The following YAP1 variants were observed in gnomAD, a reference collection of about 807,000 sequenced individuals.
YAP1 encodes transcriptional coactivator YAP1.
Under a neutral mutation model 56.9 loss-of-function variants are expected in YAP1, and 5 were observed. The observed-to-expected ratio is 0.09, with a 90% CI of 0.05 to 0.18. The LOEUF is 0.18. Among genes scored for constraint, YAP1 ranks in the 10% least tolerant of loss-of-function variants. The pLI, the probability that YAP1 is intolerant of heterozygous loss-of-function variation, is 1.00. For synonymous variants in YAP1, 265 were observed against 248.1 expected, an observed-to-expected ratio of 1.07 and a Z score of -0.64; for missense variants, 539 against 651.8, an observed-to-expected ratio of 0.83 and a Z score of 1.88.
In YAP1 at chr11:102,228,634, C is replaced by CAAAAAAAAA. The variant is rs71059544; in HGVS notation, c.1277-1049_1277-1041dup. ...TGGGTGACAGAGCAAGACTCCGTCTCAAAAAAAAAAAAAAAAAAAAAAAAA... is the reference window on the plus strand; with the variant it reads ...TGGGTGACAGAGCAAGACTCCGTCTCAAAAAAAAAAAAAAAAAAAAAAAAAAAAAAAAAA... On this transcript the variant is annotated intron_variant, in intron 8 of 8. Coordinates refer to ENST00000282441, the MANE Select transcript of YAP1 (RefSeq NM_001130145.3). Among the ~76,000 whole-genome samples the CAAAAAAAAA allele has an allele frequency of 2.0e-3, 62 of 31,636 alleles. 1 individual carries two copies. Among genetic ancestry groups the CAAAAAAAAA allele is most frequent in the Non-Finnish European group, 3.0e-3 (40 of 13,122 alleles). The allele number at this position is 31,636 out of a possible 152,430, so 20.8% of individuals were successfully genotyped here.
intron 6 of YAP1, among the ~76,000 whole-genome samples, chr11:102,216,582 T>C (rs1949679226): frequency 6.6e-6 from 1 of 152,156 alleles, no homozygotes; most frequent in Admixed American, 6.5e-5. Flanking sequence ...TTGTAGACAG[T>C]CCAATTATGT....
chr11:102,110,978 G>GCGC lies in YAP1; in HGVS notation c.134_136dup (p.Pro45dup). The GCGC allele has an allele frequency of 6.5e-7, 1 of 1,532,446 alleles. No individual in the cohort carries two copies. The highest frequency in any genetic ancestry group is 8.8e-7 in the Non-Finnish European group (1 of 1,141,776). 94.9% of individuals were successfully genotyped at this position (1,532,446 alleles called of 1,614,324 possible). A position where few individuals can be genotyped will look rare whatever the true frequency, so the allele number is the denominator to read the frequency against. On this transcript the variant is annotated inframe_insertion, in exon 1 of 9. Transcript: ENST00000282441. Reference sequence around the variant, plus strand: ...ACCGGCACCCGCGGCGACCCAGGCGGCGCCGCAGGCACCCCCCGCCGGGCA... The same window carrying GCGC: ...ACCGGCACCCGCGGCGACCCAGGCGGCGCCGCCGCAGGCACCCCCCGCCGGGCA...
chr11:102,129,612 T>A (rs566902108), intron 2 of YAP1, among the ~76,000 whole-genome samples: 2 of 62,412 alleles, frequency 3.2e-5, no homozygotes, highest in African/African-American at 1.1e-4. Context: ...AGCGAGACTC[T>A]GTCTCCAAAA....
At position 102,110,694 on chromosome 11, in the gene YAP1, G is replaced by A. The variant is rs1346176040; in HGVS notation, c.-155G>A. 5.3e-6 allele frequency: 3 copies of A among 567,868 alleles called. No homozygotes were observed. Among genetic ancestry groups the A allele is most frequent in the Admixed American group, 1.0e-4 (2 of 19,742 alleles). The allele number at this position is 567,868 out of a possible 1,614,324, so 35.2% of individuals were successfully genotyped here. On this transcript the variant is annotated 5_prime_UTR_variant, in exon 1 of 9. Coordinates refer to ENST00000282441, the MANE Select transcript of YAP1 (RefSeq NM_001130145.3). ...GGAGGCGCCGGGGCGGGGGATGCGG[G>A]GCCGCGGCGCAGCCCCCCGGCCCTG...
rs148864294 is a variant in YAP1 at position 102,231,803 on chromosome 11, A to G, written c.*1863A>G. ...ATCTCTTCTCCTGGCAAAAGCTGCT[A>G]TGAAAAGCCTCAGCTTGGGAAGATA... is the stretch of plus-strand genomic sequence containing the variant. On this transcript the variant is annotated 3_prime_UTR_variant, in exon 9 of 9. Coordinates refer to ENST00000282441, the MANE Select transcript of YAP1 (RefSeq NM_001130145.3). The G allele has an allele frequency of 1.9e-3, 297 of 152,758 alleles. No homozygotes were observed. Among genetic ancestry groups the G allele is most frequent in the Non-Finnish European group, 3.2e-3 (217 of 68,022 alleles). 9.5% of individuals were successfully genotyped at this position (152,758 alleles called of 1,614,324 possible). A position where few individuals can be genotyped will look rare whatever the true frequency, so the allele number is the denominator to read the frequency against.
In YAP1 at chr11:102,159,832, T is replaced by G. The variant is rs144959752; in HGVS notation, c.573-2624T>G. 7.3e-3 allele frequency among the ~76,000 whole-genome samples: 1,106 copies of G among 152,084 alleles called. 13 individuals are homozygous for G. Among genetic ancestry groups the G allele is most frequent in the African/African-American group, 0.025 (1,054 of 41,478 alleles). On this transcript the variant is annotated intron_variant, in intron 2 of 8. Coordinates refer to ENST00000282441, the MANE Select transcript of YAP1 (RefSeq NM_001130145.3). ...TTGACTTTTCTTTTCCACAGAGGAG[T>G]CTTCCAAAAGGAGGAGGCTTCTGGG...
intron 6 of YAP1, among the ~76,000 whole-genome samples, chr11:102,210,598 A>G (rs1478011027): frequency 6.6e-6 from 1 of 152,234 alleles, no homozygotes; most frequent in Non-Finnish European, 1.5e-5. Flanking sequence ...AGCCATCTTC[A>G]CCAAAGTTGA....
chr11:102,145,004 T>A (rs1007224313), intron 2 of YAP1, among the ~76,000 whole-genome samples: 1 of 152,172 alleles, frequency 6.6e-6, no homozygotes, highest in African/African-American at 2.4e-5. Context: ...GGGATTAGTA[T>A]GTCAAATTTG....
chr11:102,198,983 T>G (rs1046371380), intron 4 of YAP1, among the ~76,000 whole-genome samples: 1 of 152,132 alleles, frequency 6.6e-6, no homozygotes, highest in Non-Finnish European at 1.5e-5. Flanking sequence ...AATGGTATGA[T>G]AAAATAGGAG....
intron 2 of YAP1, among the ~76,000 whole-genome samples, chr11:102,124,580 G>T (rs1179199923): frequency 1.3e-5 from 2 of 151,896 alleles, no homozygotes; most frequent in Non-Finnish European, 2.9e-5. Context: ...TGTTTTATCT[G>T]TTATTTTTTT....
chr11:102,230,141 C>A lies in YAP1; in HGVS notation c.*201C>A. 2.0e-6 allele frequency: 1 copy of A among 491,760 alleles called. No homozygotes were observed. Among genetic ancestry groups the A allele is most frequent in the Non-Finnish European group, 3.6e-6 (1 of 279,996 alleles). 30.5% of individuals were successfully genotyped at this position (491,760 alleles called of 1,614,324 possible). A position where few individuals can be genotyped will look rare whatever the true frequency, so the allele number is the denominator to read the frequency against. Reference sequence around the variant, plus strand: ...TATTGCTGACCTCTTTCACAGTTGGCTCTAAAGAATCAAAAGAAAAAAACT... The same window carrying A: ...TATTGCTGACCTCTTTCACAGTTGGATCTAAAGAATCAAAAGAAAAAAACT... On this transcript the variant is annotated 3_prime_UTR_variant, in exon 9 of 9. Coordinates refer to ENST00000282441, the MANE Select transcript of YAP1 (RefSeq NM_001130145.3).
At chr11:102,191,663 T>C (rs1420070329) in intron 4 of YAP1, among the ~76,000 whole-genome samples, 7 of 152,268 alleles carry the variant, frequency 4.6e-5, no homozygotes, top group Middle Eastern at 3.4e-3. Context: ...TTTTTCTTTT[T>C]TTCTTTTCTT....
At chr11:102,152,707 A>C (rs1002064377) in intron 2 of YAP1, among the ~76,000 whole-genome samples, 4 of 152,236 alleles carry the variant, frequency 2.6e-5, no homozygotes, top group African/African-American at 4.8e-5. Flanking sequence ...TAAGTGTTTC[A>C]AAAGATTCAG....
In YAP1 at chr11:102,231,649, T is replaced by A. The variant is rs1950437037; in HGVS notation, c.*1709T>A. The A allele has an allele frequency of 1.3e-5, 2 of 152,640 alleles. No homozygotes were observed. The highest frequency in any genetic ancestry group is 4.1e-4 in the South Asian group (2 of 4,834). 9.5% of individuals were successfully genotyped at this position (152,640 alleles called of 1,614,324 possible). A position where few individuals can be genotyped will look rare whatever the true frequency, so the allele number is the denominator to read the frequency against. On this transcript the variant is annotated 3_prime_UTR_variant, in exon 9 of 9. Coordinates refer to ENST00000282441, the MANE Select transcript of YAP1 (RefSeq NM_001130145.3). ...AACAAAACGAGCATGAATTAACTCT[T>A]CAATATAAGCTATGAAGTAATAGTT... is the stretch of plus-strand genomic sequence containing the variant.
intron 3 of YAP1, among the ~76,000 whole-genome samples, chr11:102,165,127 G>C (rs1015352723): frequency 1.3e-5 from 2 of 152,082 alleles, no homozygotes; most frequent in African/African-American, 2.4e-5. Context: ...GGGAGACCAA[G>C]GTGGGAGGAT....
chr11:102,146,775 G>A (rs746665077), intron 2 of YAP1, among the ~76,000 whole-genome samples: 8 of 152,176 alleles, frequency 5.3e-5, no homozygotes, highest in Non-Finnish European at 1.2e-4. Flanking sequence ...GGAGAATTGA[G>A]ATTCTGTGCT....
intron 2 of YAP1, among the ~76,000 whole-genome samples, chr11:102,124,295 C>T (rs541504943): frequency 3.9e-5 from 6 of 152,124 alleles, no homozygotes; most frequent in African/African-American, 1.4e-4. Flanking sequence ...TGAGTGTTTG[C>T]TTTCCTTGGG....
chr11:102,154,262 G>T (rs1034411161), intron 2 of YAP1, among the ~76,000 whole-genome samples: 2 of 152,072 alleles, frequency 1.3e-5, no homozygotes, highest in African/African-American at 2.4e-5. Context: ...GTGAACTAGG[G>T]AATTTAAAAT....
In YAP1 at chr11:102,229,771, C is replaced by T. The variant is rs1950372564; in HGVS notation, c.1346C>T (p.Pro449Leu). 1 of 1,614,048 alleles carries T rather than the reference C, an allele frequency of 6.2e-7. No homozygotes were observed. Among genetic ancestry groups the T allele is most frequent in the Non-Finnish European group, 8.5e-7 (1 of 1,180,026 alleles). ...NRFPDYLEAI[P>L]GTNVDLGTLE... The stretch of plus-strand genomic sequence containing the variant: ...TTCCCAGACTACCTTGAAGCCATTC[C>T]TGGGACAAATGTGGACCTTGGAACA... The change falls in exon 9 of 9, where the codon CCT (proline) becomes CTT (leucine). Residue 449 changes from proline (P) to leucine (L), a missense_variant. Around this residue, in one of 4 missense-constraint regions of YAP1, gnomAD observed 414 missense variants for 512.4 expected, o/e 0.81. Transcript: ENST00000282441.
Sources: gnomAD v4.1 joint callset for allele counts (sites outside exome capture counted in the v4.1 genomes callset) on GRCh38, gnomAD v4.1.1 for gene constraint, gnomAD v4.1.1 regional missense constraint, MANE v1.5 for transcripts, NCBI Gene and HGNC (gene_info 2026-07-23, HGNC 2026-07-21) for gene names.